ZNF385D: variants seen among roughly 807,000 people sequenced by gnomAD.
ZNF385D encodes the protein zinc finger protein 659.
A neutral mutation model predicts 35.8 loss-of-function variants in ZNF385D; 15 were observed. That is an observed-to-expected ratio of 0.42 (90% CI 0.28 to 0.64). The LOEUF is 0.64. ZNF385D is among the 30% of genes least tolerant of loss of function. The pLI is 0.23. For synonymous variants in ZNF385D, 212 were observed against 186.8 expected (o/e 1.13, Z -1.10); for missense variants, 474 against 494.6 (o/e 0.96, Z 0.39).
chr3:21,943,039 T>C (rs531878813), intron 3 of ZNF385D, among the ~76,000 whole-genome samples: 1 of 152,106 alleles, frequency 6.6e-6, no homozygotes, highest in African/African-American at 2.4e-5. Flanking sequence ...TAAGAACTCA[T>C]ACTTCTAAAA....
At chr3:21,608,589 T>A (rs1370917545) in intron 2 of ZNF385D, among the ~76,000 whole-genome samples, 1 of 152,202 alleles carries the variant, frequency 6.6e-6, no homozygotes, top group Non-Finnish European at 1.5e-5. Context: ...GCTATGAAAA[T>A]AAATTAATAC....
At chr3:21,557,464 G>A (rs552079871) in intron 3 of ZNF385D, among the ~76,000 whole-genome samples, 4 of 152,208 alleles carry the variant, frequency 2.6e-5, no homozygotes, top group East Asian at 1.9e-4. Context: ...GATAGGTTAC[G>A]TATATTTATT....
chr3:21,435,411 C>G (rs1387074947), intron 5 of ZNF385D, among the ~76,000 whole-genome samples: 1 of 151,966 alleles, frequency 6.6e-6, no homozygotes, highest in African/African-American at 2.4e-5. Flanking sequence ...GCACATGCCA[C>G]CATGCCCAGC....
intron 4 of ZNF385D, among the ~76,000 whole-genome samples, chr3:21,450,953 T>A (rs2125278722): frequency 6.6e-6 from 1 of 152,316 alleles, no homozygotes; most frequent in African/African-American, 2.4e-5. Context: ...TTAATTAACT[T>A]AAGTTGAATA....
chr3:22,048,511 C>A (rs139208577), intron 3 of ZNF385D, among the ~76,000 whole-genome samples: 2 of 152,114 alleles, frequency 1.3e-5, no homozygotes, highest in Non-Finnish European at 2.9e-5. Context: ...TGTCCCTTCC[C>A]TGTTGTGTGT....
intron 3 of ZNF385D, among the ~76,000 whole-genome samples, chr3:22,067,984 G>C (rs1700040555): frequency 6.7e-6 from 1 of 149,244 alleles, no homozygotes; most frequent in Non-Finnish European, 1.5e-5. Flanking sequence ...CTGCACACCA[G>C]CCTGGTGAAA....
At chr3:22,157,830 C>T (rs539305657) in intron 3 of ZNF385D, among the ~76,000 whole-genome samples, 1 of 152,224 alleles carries the variant, frequency 6.6e-6, no homozygotes, top group East Asian at 1.9e-4. Context: ...GATTTCAACA[C>T]TGTACCTGAT....
intron 1 of ZNF385D, among the ~76,000 whole-genome samples, chr3:21,696,690 T>G (rs2067481872): frequency 6.6e-6 from 1 of 152,222 alleles, no homozygotes; most frequent in African/African-American, 2.4e-5. Context: ...CCATCAAGCT[T>G]CTACAATGCA....
intron 3 of ZNF385D, among the ~76,000 whole-genome samples, chr3:22,001,109 G>A (rs1458683047): frequency 1.3e-5 from 2 of 151,910 alleles, no homozygotes; most frequent in Non-Finnish European, 2.9e-5. Context: ...TAACCAGAAA[G>A]CAATTAACAA....
intron 2 of ZNF385D, among the ~76,000 whole-genome samples, chr3:22,233,332 A>T (rs1324228550): frequency 6.6e-6 from 1 of 152,124 alleles, no homozygotes; most frequent in Non-Finnish European, 1.5e-5. Context: ...AAGGGTAAGT[A>T]CTATATTATT....
chr3:22,371,383 T>C (rs895428411), intron 2 of ZNF385D, among the ~76,000 whole-genome samples: 1 of 147,352 alleles, frequency 6.8e-6, no homozygotes, highest in African/African-American at 2.5e-5. Context: ...GCGCCAGCTC[T>C]AGGGTCCTTA....
rs147345458 is a variant in ZNF385D at position 22,279,711 on chromosome 3, T to C, written c.106+92739A>G. Among the ~76,000 whole-genome samples, 1,260 of 151,722 alleles carry C rather than the reference T, an allele frequency of 8.3e-3. 9 individuals are homozygous for C. The highest frequency in any genetic ancestry group is 0.015 in the Non-Finnish European group (985 of 67,846). ...CTGATGAGAATTTGGGCTGGTGCCA[T>C]ATTTTTACAATTATGAATTCTGCTG... On this transcript the variant is annotated intron_variant, in intron 2 of 5. Coordinates refer to the ZNF385D transcript ENST00000494108.
At chr3:22,020,813 A>G (rs1339222342) in intron 3 of ZNF385D, among the ~76,000 whole-genome samples, 1 of 152,038 alleles carries the variant, frequency 6.6e-6, no homozygotes, top group Non-Finnish European at 1.5e-5. Context: ...TATCAAAAAG[A>G]TACATGCACT....
At chr3:21,436,784 A>G (rs1701572707) in intron 5 of ZNF385D, 186 bp downstream of exon 5, 1 of 606,282 alleles carries the variant, frequency 1.6e-6, no homozygotes, top group Non-Finnish European at 2.8e-6. Flanking sequence ...AGCCCTGGAA[A>G]CCACCCCTTG....
chr3:22,211,348 C>G (rs1314035535), intron 2 of ZNF385D, among the ~76,000 whole-genome samples: 1 of 151,930 alleles, frequency 6.6e-6, no homozygotes, highest in Non-Finnish European at 1.5e-5. Context: ...TCATCCTAGT[C>G]TCCCATCTTT....
intron 3 of ZNF385D, among the ~76,000 whole-genome samples, chr3:21,945,176 T>TATATA (rs1553704385): frequency 1.5e-4 from 22 of 150,058 alleles, no homozygotes; most frequent in African/African-American, 4.7e-4. Context: ...ATATATATAG[T>TATATA]GAGAGAGAGA....
At chr3:21,615,500 C>T (rs1414546245) in intron 2 of ZNF385D, among the ~76,000 whole-genome samples, 1 of 152,022 alleles carries the variant, frequency 6.6e-6, no homozygotes, top group Admixed American at 6.5e-5. Context: ...TTAGTATGCT[C>T]CATATCAAAA....
intron 2 of ZNF385D, among the ~76,000 whole-genome samples, chr3:22,326,754 A>G (rs989234974): frequency 6.6e-6 from 1 of 152,236 alleles, no homozygotes. Context: ...CCATAAGTGT[A>G]CAGCTTGATA....
At chr3:21,911,917 A>G (rs1045210143) in intron 3 of ZNF385D, among the ~76,000 whole-genome samples, 4 of 151,964 alleles carry the variant, frequency 2.6e-5, no homozygotes, top group Admixed American at 2.6e-4. Context: ...ATGTAAGCAT[A>G]TATTAATATA....
Sources: gnomAD v4.1 joint callset for allele counts (sites outside exome capture counted in the v4.1 genomes callset) on GRCh38, gnomAD v4.1.1 for gene constraint, MANE v1.5 for transcripts, NCBI Gene and HGNC (gene_info 2026-07-23, HGNC 2026-07-21) for gene names.